PIK3C2B: variants seen among roughly 807,000 people sequenced by gnomAD.
The protein encoded by PIK3C2B is phosphatidylinositol 4-phosphate 3-kinase C2 domain-containing subunit beta.
A neutral mutation model predicts 184.3 loss-of-function variants in PIK3C2B; 83 were observed. The ratio of observed to expected loss-of-function variants is 0.45; its 90% confidence interval spans 0.38 to 0.54. The LOEUF (loss-of-function observed/expected upper bound fraction) is 0.54. Ranked by LOEUF, PIK3C2B falls within the 20% of genes least tolerant of loss-of-function variation. The pLI is 0.00. For missense variants in PIK3C2B, 1,736 were observed against 2,113.5 expected, an observed-to-expected ratio of 0.82 and a Z score of 3.50; for synonymous variants, 779 against 837.6, an observed-to-expected ratio of 0.93 and a Z score of 1.21.
At chr1:204,430,132 C>T in intron 28 of PIK3C2B, 94 bp from the exon 29 acceptor site, 1 of 774,722 alleles carries the variant, frequency 1.3e-6, no homozygotes, top group Non-Finnish European at 2.2e-6. Flanking sequence ...ATTTGCGTTT[C>T]CAGTCCCCTA....
rs1405386357 is a variant in PIK3C2B, at chr1:204,439,013, C to T, written c.3438G>A (p.Gly1146=). The change falls in exon 23 of 33, where the codon GGG becomes GGA. Residue 1146 remains glycine (G), a synonymous_variant. Coordinates refer to ENST00000684373, the MANE Select transcript of PIK3C2B (RefSeq NM_001377334.1). ...ETLRKIQVEH[G]VTGSFKDRPL... is the part of the protein sequence containing the mutation. Reference sequence around the variant, plus strand: ...GCCGGTCCTTGAACGAGCCGGTCACCCCATGCTCCACCTGGATCTTACGCA... The same window carrying T: ...GCCGGTCCTTGAACGAGCCGGTCACTCCATGCTCCACCTGGATCTTACGCA... 2 of 1,614,098 alleles carry T rather than the reference C, an allele frequency of 1.2e-6. No homozygotes were observed. Among genetic ancestry groups the T allele is most frequent in the South Asian group, 2.2e-5 (2 of 91,078 alleles).
At chr1:204,466,295 G>A (rs1199763268) in intron 2 of PIK3C2B, among the ~76,000 whole-genome samples, 2 of 152,208 alleles carry the variant, frequency 1.3e-5, no homozygotes, top group Non-Finnish European at 1.5e-5. Flanking sequence ...TTTCTGGCGG[G>A]AGTCTAGCTC....
At chr1:204,438,741 C>G (rs892407937) in intron 23 of PIK3C2B, among the ~76,000 whole-genome samples, 194 bp downstream of exon 23, 2 of 152,196 alleles carry the variant, frequency 1.3e-5, no homozygotes, top group African/African-American at 4.8e-5. Context: ...ATTTTCTCAG[C>G]CAGCTTACAA....
intron 1 of PIK3C2B, among the ~76,000 whole-genome samples, chr1:204,472,576 C>T (rs1465404215): frequency 1.3e-5 from 2 of 151,922 alleles, no homozygotes; most frequent in East Asian, 2.0e-4. Context: ...GTCAGGAGTT[C>T]GAGACCAGCC....
In PIK3C2B at chr1:204,457,816, G is replaced by A; in HGVS notation, c.1625C>T (p.Ala542Val). The A allele has an allele frequency of 1.2e-6, 2 of 1,613,178 alleles. No individual in the cohort carries two copies. The highest frequency in any genetic ancestry group is 1.7e-6 in the Non-Finnish European group (2 of 1,179,592). ...VVQSVKAICN[A>V]LAAVETPEIT... Reference sequence around the variant, plus strand: ...CTCAGGGGTTTCCACGGCGGCCAGGGCGTTGCAGATGGCCTTGACGGACTG... The same window carrying A: ...CTCAGGGGTTTCCACGGCGGCCAGGACGTTGCAGATGGCCTTGACGGACTG... The change falls in exon 9 of 33, where the codon GCC (alanine) becomes GTC (valine). Residue 542 changes from alanine (A) to valine (V), a missense_variant. Around this residue, in one of 8 missense-constraint regions of PIK3C2B, gnomAD observed 609 missense variants for 699.2 expected, o/e 0.87. Coordinates refer to ENST00000684373, the MANE Select transcript of PIK3C2B (RefSeq NM_001377334.1).
intron 1 of PIK3C2B, 59 bp from the exon 2 acceptor site, chr1:204,469,945 T>C (rs1656165145): frequency 1.6e-6 from 1 of 614,736 alleles, no homozygotes; most frequent in African/African-American, 1.9e-5. Context: ...TAATCATCCA[T>C]AATAATCCAA....
At chr1:204,493,960 C>T (rs1658187222) in intron 1 of PIK3C2B, among the ~76,000 whole-genome samples, 1 of 152,248 alleles carries the variant, frequency 6.6e-6, no homozygotes, top group Non-Finnish European at 1.5e-5. Context: ...AGGCACTAAC[C>T]CCATCACAGG....
chr1:204,441,412 T>C, intron 21 of PIK3C2B, 59 bp downstream of exon 21: 2 of 1,108,628 alleles, frequency 1.8e-6, no homozygotes, highest in Non-Finnish European at 2.7e-6. Flanking sequence ...AATGCCACTC[T>C]AGGCTGCCTC....
intron 23 of PIK3C2B, 86 bp downstream of exon 23, chr1:204,438,849 G>T: frequency 1.4e-6 from 2 of 1,456,760 alleles, no homozygotes; most frequent in African/African-American, 1.4e-5. Context: ...TCCTCTCTGA[G>T]CAAGTGCAGG....
At position 204,460,671 on chromosome 1, in the gene PIK3C2B, T is replaced by C; in HGVS notation, c.1311-10A>G. On this transcript the variant is annotated splice_polypyrimidine_tract_variant and intron_variant, in intron 5 of 32. Coordinates refer to ENST00000684373, the MANE Select transcript of PIK3C2B (RefSeq NM_001377334.1). ...GCCCAAGGCATGCTTGCTGGTAGGG[T>C]AGAGGGACAAGACCATTAGCATCCT... The C allele has an allele frequency of 6.4e-7, 1 of 1,569,372 alleles. No individual in the cohort carries two copies. The highest frequency in any genetic ancestry group is 8.8e-7 in the Non-Finnish European group (1 of 1,139,314).
rs1013640289 is a variant in PIK3C2B, at chr1:204,433,742, T to C, written c.3843+51A>G. On this transcript the variant is annotated intron_variant, in intron 25 of 32. Transcript: ENST00000684373. This position sits in a 1 kb window ranked among gnomAD's most constrained non-coding sequence, Gnocchi z 5.0. ...CGGCAAGACAGGGAAGTCTTAAAGATGATGCCAGATAATAAGAAGAAGGTA... is the reference window on the plus strand; with the variant it reads ...CGGCAAGACAGGGAAGTCTTAAAGACGATGCCAGATAATAAGAAGAAGGTA... The C allele has an allele frequency of 6.5e-6, 10 of 1,542,874 alleles. No homozygotes were observed. The highest frequency in any genetic ancestry group is 9.0e-6 in the Non-Finnish European group (10 of 1,116,964).
Position 204,494,545 on chromosome 1 carries a change from A to AG in PIK3C2B, c.-275dup, listed in dbSNP as rs1658239627. ...CCTCTCCAGGCTCCGCACAGACCCTAGGCTCCAAGGGGCAGAGGGAGAGGC... is the reference window on the plus strand; with the variant it reads ...CCTCTCCAGGCTCCGCACAGACCCTAGGGCTCCAAGGGGCAGAGGGAGAGGC... On this transcript the variant is annotated 5_prime_UTR_variant, in exon 1 of 33. Coordinates refer to ENST00000684373, the MANE Select transcript of PIK3C2B (RefSeq NM_001377334.1). 6.6e-6 allele frequency: 1 copy of AG among 151,530 alleles called. No homozygotes were observed. Among genetic ancestry groups the AG allele is most frequent in the African/African-American group, 2.4e-5 (1 of 41,118 alleles). The allele number at this position is 151,530 out of a possible 1,614,324, so 9.4% of individuals were successfully genotyped here.
At chr1:204,470,523 A>C (rs964843272) in intron 1 of PIK3C2B, among the ~76,000 whole-genome samples, 7 of 152,254 alleles carry the variant, frequency 4.6e-5, no homozygotes, top group Admixed American at 4.6e-4. Context: ...TTCTCCAGTC[A>C]ATTTGAAGAG....
At chr1:204,457,621 GCC>G in intron 9 of PIK3C2B, 105 bp downstream of exon 9, 1 of 1,050,832 alleles carries the variant, frequency 9.5e-7, no homozygotes, top group African/African-American at 1.6e-5. Flanking sequence ...GTGGAGAGAA[GCC>G]CCTTTTTAGT....
In PIK3C2B at chr1:204,469,741, C is replaced by T. The variant is rs746489690; in HGVS notation, c.62G>A (p.Arg21His). The change falls in exon 2 of 33, where the codon CGC (arginine) becomes CAC (histidine). Residue 21 changes from arginine to histidine, a missense_variant. Physicochemically the swap from Arg to His is conservative, Grantham distance 29. Coordinates refer to ENST00000684373, the MANE Select transcript of PIK3C2B (RefSeq NM_001377334.1). The stretch of plus-strand genomic sequence containing the variant: ...GGCTTCGGCCATCGCTAGCTCTTTG[C>T]GGCTGATGCCCACTGACTCCAGGGA... ...WKSLESVGISRKELAMAEALQ... is the reference protein window; with the variant it reads ...WKSLESVGISHKELAMAEALQ... 3.0e-5 allele frequency: 49 copies of T among 1,613,780 alleles called. No homozygotes were observed. The highest frequency in any genetic ancestry group is 3.3e-4 in the Middle Eastern group (2 of 6,078).
chr1:204,455,866 AGATGATGGG>A lies in PIK3C2B; in HGVS notation c.1924_1932del (p.Pro642_Ile644del). 6.2e-7 allele frequency: 1 copy of A among 1,611,610 alleles called. No homozygotes were observed. Among genetic ancestry groups the A allele is most frequent in the East Asian group, 2.2e-5 (1 of 44,836 alleles). On this transcript the variant is annotated inframe_deletion, in exon 11 of 33. Transcript: ENST00000684373. ...CAGCCCTGGGCTCACCTGGTAGCCC[AGATGATGGG>A]GATGCGGTGGGTGGCATAGACAGTG...
Position 204,449,303 on chromosome 1 carries a change from A to AGGAG in PIK3C2B, c.2235-11_2235-8dup. The AGGAG allele has an allele frequency of 6.2e-7, 1 of 1,600,848 alleles. No homozygotes were observed. Among genetic ancestry groups the AGGAG allele is most frequent in the Middle Eastern group, 1.7e-4 (1 of 6,028 alleles). On this transcript the variant is annotated splice_region_variant and splice_polypyrimidine_tract_variant and intron_variant, in intron 13 of 32. Transcript: ENST00000684373. ...CCGGCCACAGGTCAGGACCCTAAGA[A>AGGAG]GGAGGGAGAGTGGGAAGAGCTGCTA...
Position 204,433,961 on chromosome 1 carries a change from G to C in PIK3C2B, c.3687-12C>G. On this transcript the variant is annotated splice_polypyrimidine_tract_variant and intron_variant, in intron 24 of 32. Coordinates refer to ENST00000684373, the MANE Select transcript of PIK3C2B (RefSeq NM_001377334.1). The surrounding 1 kb of genome is among the most constrained non-coding windows in gnomAD (Gnocchi z 5.0). ...AGGGGGCACGGTCCCTGAGCCAAGG[G>C]GAACATACAGGTAGAAGGTCAACAT... The C allele has an allele frequency of 6.2e-7, 1 of 1,612,320 alleles. No homozygotes were observed. Among genetic ancestry groups the C allele is most frequent in the South Asian group, 1.1e-5 (1 of 91,000 alleles).
At chr1:204,477,701 A>G (rs1656819858) in intron 1 of PIK3C2B, among the ~76,000 whole-genome samples, 1 of 152,218 alleles carries the variant, frequency 6.6e-6, no homozygotes, top group African/African-American at 2.4e-5. Flanking sequence ...GCACCCTAAC[A>G]GAATTGTTCT....
Sources: allele counts gnomAD v4.1 joint callset (sites outside exome capture counted in the v4.1 genomes callset), GRCh38; gene constraint gnomAD v4.1.1; regional missense constraint gnomAD v4.1.1; non-coding constraint Gnocchi (gnomAD v3.1); transcripts MANE v1.5; gene names NCBI Gene and HGNC (gene_info 2026-07-23, HGNC 2026-07-21).